ULK4: variants seen among roughly 807,000 people sequenced by gnomAD.
ULK4 encodes the protein inactive serine/threonine-protein kinase ULK4.
In ULK4, 133 loss-of-function variants were observed where a neutral mutation model predicts 160.6. The ratio of observed to expected loss-of-function variants is 0.83; its 90% CI spans 0.72 to 0.96. The LOEUF (loss-of-function observed/expected upper bound fraction) is 0.96. ULK4 is among the 40% of genes least tolerant of loss of function. The pLI, the probability that ULK4 is intolerant of heterozygous loss-of-function variation, is 0.00. For synonymous variants in ULK4, 534 were observed against 539.8 expected, an observed-to-expected ratio of 0.99 and a Z score of 0.15; for missense variants, 1,580 against 1,499.5, an observed-to-expected ratio of 1.05 and a Z score of -0.89.
chr3:41,372,608 C>G (rs983519738), intron 35 of ULK4, among the ~76,000 whole-genome samples: 1 of 152,156 alleles, frequency 6.6e-6, no homozygotes, highest in Non-Finnish European at 1.5e-5. Flanking sequence ...TTTGTCACCA[C>G]CAGGCCTGCC....
chr3:41,843,258 C>T (rs9873207), intron 17 of ULK4, among the ~76,000 whole-genome samples: 27,709 of 152,062 alleles, frequency 0.18, 2,607 homozygotes, highest in Middle Eastern at 0.32. Flanking sequence ...TAAGATATCA[C>T]TACACACTCA....
intron 15 of ULK4, 48 bp from the exon 16 acceptor site, chr3:41,895,612 T>C: frequency 8.0e-7 from 1 of 1,254,764 alleles, no homozygotes; most frequent in Non-Finnish European, 1.1e-6. Context: ...TTAAAATGTT[T>C]AAGTCACAAA....
chr3:41,737,633 C>G (rs1020454227), intron 22 of ULK4, among the ~76,000 whole-genome samples: 1 of 151,880 alleles, frequency 6.6e-6, no homozygotes, highest in African/African-American at 2.4e-5. Context: ...AATGCACATC[C>G]TTTAATTTAT....
chr3:41,843,182 C>G (rs2041977527), intron 17 of ULK4, among the ~76,000 whole-genome samples: 1 of 151,958 alleles, frequency 6.6e-6, no homozygotes, highest in Non-Finnish European at 1.5e-5. Flanking sequence ...ATGCAGCCAC[C>G]AAATAAGCAC....
intron 35 of ULK4, among the ~76,000 whole-genome samples, chr3:41,305,291 G>T (rs1256565385): frequency 2.0e-5 from 3 of 151,298 alleles, no homozygotes; most frequent in African/African-American, 7.3e-5. Context: ...GCCGAAGCTG[G>T]ACTGTACTGC....
At chr3:41,747,465 T>C (rs781013957) in intron 22 of ULK4, among the ~76,000 whole-genome samples, 3 of 151,544 alleles carry the variant, frequency 2.0e-5, no homozygotes, top group Admixed American at 6.5e-5. Context: ...AACCTATTTA[T>C]ACAAGAGACC....
intron 32 of ULK4, among the ~76,000 whole-genome samples, chr3:41,506,155 C>T (rs796489013): frequency 2.0e-5 from 3 of 152,126 alleles, no homozygotes; most frequent in Non-Finnish European, 4.4e-5. Flanking sequence ...GGTACATTAA[C>T]ACTTTTTATT....
rs1333571772 is a variant in ULK4, at chr3:41,828,399, C to T, written c.1764+7465G>A. ...TGACATGATTGTATATCTAGAAAAC[C>T]CCATTGTCTCAGCCCAAAATCTCCT... On this transcript the variant is annotated intron_variant, in intron 18 of 36. Coordinates refer to ENST00000301831, the MANE Select transcript of ULK4 (RefSeq NM_017886.4). 3.3e-5 allele frequency among the ~76,000 whole-genome samples: 5 copies of T among 149,420 alleles called. No individual in the cohort carries two copies. The Admixed American group carries it at 3.3e-4, about 10-fold the overall frequency.
chr3:41,339,059 T>C (rs1043638113), intron 35 of ULK4, among the ~76,000 whole-genome samples: 1 of 151,910 alleles, frequency 6.6e-6, no homozygotes, highest in Non-Finnish European at 1.5e-5. Flanking sequence ...CCAGAAATCA[T>C]GTTTAGCCAG....
intron 17 of ULK4, among the ~76,000 whole-genome samples, chr3:41,863,178 C>T (rs893899007): frequency 1.3e-5 from 2 of 152,102 alleles, no homozygotes; most frequent in Non-Finnish European, 2.9e-5. Flanking sequence ...AATGCAGTCC[C>T]TCCCTTCCTC....
At chr3:41,765,623 T>A (rs1423164410) in intron 21 of ULK4, among the ~76,000 whole-genome samples, 1 of 151,940 alleles carries the variant, frequency 6.6e-6, no homozygotes, top group African/African-American at 2.4e-5. Flanking sequence ...AAAAGTATAT[T>A]TAAGACTCTA....
At chr3:41,295,305 C>T (rs1182215389) in intron 35 of ULK4, among the ~76,000 whole-genome samples, 1 of 115,742 alleles carries the variant, frequency 8.6e-6, no homozygotes, top group African/African-American at 3.1e-5. Flanking sequence ...CAAAATGGAT[C>T]ACAGACCTAA....
chr3:41,561,792 T>C (rs987785530), intron 32 of ULK4, among the ~76,000 whole-genome samples: 2 of 152,174 alleles, frequency 1.3e-5, no homozygotes, highest in African/African-American at 4.8e-5. Context: ...ATTAAGTCGT[T>C]GATCTTTTGA....
At chr3:41,248,224 G>A (rs1380155411) in intron 36 of ULK4, among the ~76,000 whole-genome samples, 4 of 152,078 alleles carry the variant, frequency 2.6e-5, no homozygotes, top group South Asian at 2.1e-4. Flanking sequence ...CTCTGCCCTC[G>A]GCATAAATCT....
intron 30 of ULK4, among the ~76,000 whole-genome samples, chr3:41,644,300 G>T (rs1401077140): frequency 1.3e-5 from 2 of 151,614 alleles, no homozygotes; most frequent in African/African-American, 2.4e-5. Context: ...TCCAGTTTTT[G>T]CCCATTCAGT....
intron 22 of ULK4, among the ~76,000 whole-genome samples, chr3:41,735,876 G>A (rs1478000911): frequency 4.2e-5 from 5 of 117,778 alleles, no homozygotes; most frequent in East Asian, 2.4e-4. Context: ...AGAGTGTGAT[G>A]TTCCCCTTCC....
At chr3:41,681,892 C>T in intron 27 of ULK4, 88 bp from the exon 28 acceptor site, 1 of 1,460,512 alleles carries the variant, frequency 6.8e-7, no homozygotes, top group South Asian at 1.2e-5. Context: ...CAGACAGAAT[C>T]CCTAATCAAA....
rs149182009 is a variant in ULK4 at position 41,706,759 on chromosome 3, C to T, written c.2635-1454G>A. Among the ~76,000 whole-genome samples the T allele has an allele frequency of 5.7e-3, 832 of 145,206 alleles. 27 individuals carry two copies. In the East Asian group the frequency reaches 0.097, roughly 17 times the overall value. Reference sequence around the variant, plus strand: ...AGGAGAATTGCTTGAGCCCAGGAAGCGGAGGTTGTAGTGAGCCAAGATCAT... The same window carrying T: ...AGGAGAATTGCTTGAGCCCAGGAAGTGGAGGTTGTAGTGAGCCAAGATCAT... On this transcript the variant is annotated intron_variant, in intron 25 of 36. Transcript: ENST00000301831.
intron 19 of ULK4, among the ~76,000 whole-genome samples, chr3:41,804,295 T>A (rs909355864): frequency 6.6e-6 from 1 of 152,216 alleles, no homozygotes; most frequent in African/African-American, 2.4e-5. Context: ...TTTTGAGAAG[T>A]GTCTGTTCAT....
Sources: allele counts gnomAD v4.1 joint callset (sites outside exome capture counted in the v4.1 genomes callset), GRCh38; gene constraint gnomAD v4.1.1; transcripts MANE v1.5; gene names NCBI Gene and HGNC (gene_info 2026-07-23, HGNC 2026-07-21).